The following ZNF536 variants were observed in gnomAD, a reference collection of about 807,000 sequenced individuals.
ZNF536 encodes the protein zinc finger protein 536.
A neutral mutation model predicts 84.5 loss-of-function variants in ZNF536; 13 were observed. That is an observed-to-expected ratio of 0.15 (90% CI 0.10 to 0.24). The LOEUF (loss-of-function observed/expected upper bound fraction) is 0.24, where lower values mean the gene tolerates loss of function less well. Among genes scored for constraint, ZNF536 ranks in the 10% least tolerant of loss-of-function variants. The pLI is 1.00. For missense variants in ZNF536, 1,536 were observed against 1,747.5 expected (o/e 0.88, Z 2.16); for synonymous variants, 811 against 742.5 (o/e 1.09, Z -1.50).
Position 30,491,108 on chromosome 19 carries a change from A to G in ZNF536, c.2171-43739A>G, listed in dbSNP as rs148156243. The stretch of plus-strand genomic sequence containing the variant: ...AGGACCTTGGTTGATGTCGCTAGAG[A>G]CAATGTTGCCTATCTTCATGAAAAC... On this transcript the variant is annotated intron_variant, in intron 2 of 4. Coordinates refer to ENST00000355537, the MANE Select transcript of ZNF536 (RefSeq NM_014717.3). Among the ~76,000 whole-genome samples, 390 of 152,248 alleles carry G rather than the reference A, an allele frequency of 2.6e-3. 1 individual carries two copies. Among genetic ancestry groups the G allele is most frequent in the African/African-American group, 9.1e-3 (379 of 41,524 alleles).
At chr19:30,624,972 T>G (rs1225535893) in intron 1 of ZNF536, among the ~76,000 whole-genome samples, 1 of 152,202 alleles carries the variant, frequency 6.6e-6, no homozygotes, top group Admixed American at 6.5e-5. Context: ...CTTCCTCTTC[T>G]GCCATGATTG....
chr19:30,298,897 C>T (rs920462877), intron 2 of ZNF536, among the ~76,000 whole-genome samples: 2 of 152,184 alleles, frequency 1.3e-5, no homozygotes, highest in African/African-American at 2.4e-5. Context: ...TTTTCTTACC[C>T]GTAAGAGAAA....
chr19:30,706,625 A>G (rs1439521147), intron 1 of ZNF536, among the ~76,000 whole-genome samples: 1 of 152,234 alleles, frequency 6.6e-6, no homozygotes, highest in African/African-American at 2.4e-5. Context: ...GCTTTGTTTC[A>G]TAGTGCTGCT....
intron 4 of ZNF536, chr19:30,556,920 T>A: frequency 2.2e-6 from 1 of 457,404 alleles, no homozygotes; most frequent in Non-Finnish European, 3.8e-6. Context: ...TAAGCAGTAA[T>A]TATCTCCTAT....
chr19:30,371,087 A>G (rs1221660458), upstream of ZNF536, among the ~76,000 whole-genome samples: 1 of 152,236 alleles, frequency 6.6e-6, no homozygotes, highest in East Asian at 1.9e-4. Flanking sequence ...GTATTCAGCC[A>G]TTATGTTAGA....
intron 1 of ZNF536, among the ~76,000 whole-genome samples, chr19:30,652,886 T>C (rs1399738734): frequency 6.6e-6 from 1 of 152,156 alleles, no homozygotes; most frequent in East Asian, 1.9e-4. Context: ...GGGATTATTC[T>C]GGAAACCCAC....
intron 1 of ZNF536, among the ~76,000 whole-genome samples, chr19:30,678,760 C>CT (rs1838951354): frequency 1.5e-5 from 2 of 129,512 alleles, no homozygotes; most frequent in South Asian, 5.6e-4. Context: ...TATACCCTTA[C>CT]TGTTTAGGCT....
At chr19:30,672,090 T>C (rs954348760) in intron 1 of ZNF536, among the ~76,000 whole-genome samples, 2 of 152,268 alleles carry the variant, frequency 1.3e-5, no homozygotes, top group African/African-American at 4.8e-5. Context: ...CGTTTCTTTT[T>C]CCTTGCTATA....
At chr19:30,418,235 A>C (rs1013274252) in intron 1 of ZNF536, among the ~76,000 whole-genome samples, 4 of 151,878 alleles carry the variant, frequency 2.6e-5, no homozygotes, top group Non-Finnish European at 5.9e-5. Flanking sequence ...CATTTTTGAC[A>C]TTGATGGAGC....
chr19:30,406,357 G>C (rs1402376322), intron 1 of ZNF536, among the ~76,000 whole-genome samples: 1 of 152,176 alleles, frequency 6.6e-6, no homozygotes, highest in African/African-American at 2.4e-5. Context: ...AGGTGCCACC[G>C]AGCAAGAATC....
chr19:30,368,804 C>T (rs1016045404), upstream of ZNF536, among the ~76,000 whole-genome samples: 2 of 152,148 alleles, frequency 1.3e-5, no homozygotes, highest in Non-Finnish European at 2.9e-5. Context: ...AGGGAGGGGA[C>T]TGGTGGAGGC....
intron 1 of ZNF536, among the ~76,000 whole-genome samples, chr19:30,619,422 A>G (rs1335663198): frequency 1.3e-5 from 2 of 152,190 alleles, no homozygotes; most frequent in Non-Finnish European, 2.9e-5. Flanking sequence ...TGTCTCCTCC[A>G]TGGTGCCAAG....
intron 1 of ZNF536, among the ~76,000 whole-genome samples, chr19:30,641,973 A>T (rs1361224703): frequency 6.6e-6 from 1 of 152,202 alleles, no homozygotes; most frequent in East Asian, 1.9e-4. Flanking sequence ...ATTTAATGAG[A>T]TTGGCCATGC....
chr19:30,594,038 G>A (rs1382766845), intron 1 of ZNF536, among the ~76,000 whole-genome samples: 1 of 152,198 alleles, frequency 6.6e-6, no homozygotes, highest in Admixed American at 6.5e-5. Flanking sequence ...CACGTGGAAT[G>A]TCTTCCATGG....
chr19:30,308,992 C>A (rs537728978), intron 2 of ZNF536, among the ~76,000 whole-genome samples: 2 of 152,252 alleles, frequency 1.3e-5, no homozygotes, highest in East Asian at 3.9e-4. Flanking sequence ...TTGGCAAGAT[C>A]TCTGAGGAGT....
chr19:30,668,331 A>G (rs1442325736), intron 1 of ZNF536, among the ~76,000 whole-genome samples: 1 of 152,152 alleles, frequency 6.6e-6, no homozygotes. Flanking sequence ...CAGGTCCTGC[A>G]TCCCTGGGCC....
chr19:30,556,535 TG>T (rs1162686541), intron 4 of ZNF536: 1 of 152,242 alleles, frequency 6.6e-6, no homozygotes, highest in African/African-American at 2.4e-5. Context: ...TAAATGGGAA[TG>T]CCACTGACGT....
At chr19:30,513,943 C>A (rs530876772) in intron 2 of ZNF536, among the ~76,000 whole-genome samples, 1 of 152,200 alleles carries the variant, frequency 6.6e-6, no homozygotes, top group African/African-American at 2.4e-5. Context: ...CATCTGTGTG[C>A]ACTGACTGGT....
chr19:30,307,864 C>A (rs1054371386), intron 2 of ZNF536, among the ~76,000 whole-genome samples: 1 of 152,176 alleles, frequency 6.6e-6, no homozygotes, highest in African/African-American at 2.4e-5. Context: ...CAGAAAGCAG[C>A]GTAACTTGGC....
Sources: gnomAD v4.1 joint callset for allele counts (sites outside exome capture counted in the v4.1 genomes callset) on GRCh38, gnomAD v4.1.1 for gene constraint, MANE v1.5 for transcripts, NCBI Gene and HGNC (gene_info 2026-07-23, HGNC 2026-07-21) for gene names.